The following ADGRB2 variants were observed in gnomAD, a reference collection of about 807,000 sequenced individuals.
ADGRB2 encodes brain-specific angiogenesis inhibitor 2.
In ADGRB2, 47 loss-of-function variants were observed where a neutral mutation model predicts 178.7. That is an observed-to-expected ratio of 0.26 (90% confidence interval 0.21 to 0.34). The LOEUF (loss-of-function observed/expected upper bound fraction) is 0.34, where lower values mean the gene tolerates loss of function less well. ADGRB2 is among the 10% of genes least tolerant of loss of function. The pLI, the probability that ADGRB2 is intolerant of heterozygous loss-of-function variation, is 1.00. For missense variants in ADGRB2, 1,584 were observed against 2,180.8 expected (o/e 0.73, Z 5.45); for synonymous variants, 870 against 912.4 (o/e 0.95, Z 0.84).
chr1:31,757,109 G>A, intron 3 of ADGRB2, 92 bp downstream of exon 3: 1 of 1,594,100 alleles, frequency 6.3e-7, no homozygotes, highest in East Asian at 2.2e-5. Flanking sequence ...TGAAGAAACA[G>A]TAGTTGTTGT....
rs1307565963 is a variant in ADGRB2 at position 31,728,373 on chromosome 1, C to T, written c.4417-93G>A. Reference sequence around the variant, plus strand: ...CTCAGCACCCCAAGCCCCCCACATCCCTCCCTGCTGCCAGCCCCTCTGGGA... The same window carrying T: ...CTCAGCACCCCAAGCCCCCCACATCTCTCCCTGCTGCCAGCCCCTCTGGGA... On this transcript the variant is annotated intron_variant, in intron 30 of 32. Transcript: ENST00000373658. The surrounding 1 kb of genome is among the most constrained non-coding windows in gnomAD (Gnocchi z 6.7). 3 of 1,398,806 alleles carry T rather than the reference C, an allele frequency of 2.1e-6. No individual in the cohort carries two copies. The highest frequency in any genetic ancestry group is 2.4e-5 in the South Asian group (2 of 84,214). 86.6% of individuals were successfully genotyped at this position (1,398,806 alleles called of 1,614,324 possible). A position where few individuals can be genotyped will look rare whatever the true frequency, so the allele number is the denominator to read the frequency against.
intron 29 of ADGRB2, 128 bp downstream of exon 29, chr1:31,730,672 C>T (rs1645233694): frequency 8.0e-7 from 1 of 1,248,588 alleles, no homozygotes; most frequent in South Asian, 2.8e-5. Context: ...CAGAGAAATG[C>T]TCAGTGTATC....
At position 31,733,497 on chromosome 1, in the gene ADGRB2, CG is replaced by C. The variant is rs1645405477; in HGVS notation, c.3453-355del. 6.6e-6 allele frequency among the ~76,000 whole-genome samples: 1 copy of C among 152,138 alleles called. No homozygotes were observed. Among genetic ancestry groups the C allele is most frequent in the South Asian group, 2.1e-4 (1 of 4,828 alleles). ...GGAGCTTTTTAAAAATGCACGGGGC[CG>C]GGACGGCATCCCCAGAGCCTAACTG... On this transcript the variant is annotated intron_variant, in intron 25 of 32. Transcript: ENST00000373658. This position sits in a 1 kb window ranked among gnomAD's most constrained non-coding sequence, Gnocchi z 4.3.
chr1:31,732,596 T>C lies in ADGRB2; in HGVS notation c.3641A>G (p.Lys1214Arg). The change falls in exon 27 of 33, where the codon AAG becomes AGG. Residue 1214 changes from lysine to arginine, a missense_variant. Transcript: ENST00000373658. The stretch of plus-strand genomic sequence containing the variant: ...AGCCCGGCACACCCCCATCTGGCAC[T>C]TCACCACATCCTGGACCTGGGGACA... ...FLRREVQDVV[K>R]CQMGVCRADE... The C allele has an allele frequency of 6.2e-7, 1 of 1,614,076 alleles. No individual in the cohort carries two copies. The highest frequency in any genetic ancestry group is 8.5e-7 in the Non-Finnish European group (1 of 1,180,012).
In ADGRB2 at chr1:31,733,196, G is replaced by T; in HGVS notation, c.3453-53C>A. 1 of 1,534,206 alleles carries T rather than the reference G, an allele frequency of 6.5e-7. No homozygotes were observed. Among genetic ancestry groups the T allele is most frequent in the Non-Finnish European group, 8.8e-7 (1 of 1,137,522 alleles). ...GAGTGACACTCCGGGGGACAGGATG[G>T]CTTGAGCCTAGGCCTCCACTCAGCT... On this transcript the variant is annotated intron_variant, in intron 25 of 32. Transcript: ENST00000373658. This position sits in a 1 kb window ranked among gnomAD's most constrained non-coding sequence, Gnocchi z 4.3.
rs1328202521 is a variant in ADGRB2, at chr1:31,728,293, G to A, written c.4417-13C>T. The A allele has an allele frequency of 6.2e-7, 1 of 1,612,162 alleles. No individual in the cohort carries two copies. The highest frequency in any genetic ancestry group is 8.5e-7 in the Non-Finnish European group (1 of 1,179,126). On this transcript the variant is annotated splice_polypyrimidine_tract_variant and intron_variant, in intron 30 of 32. Transcript: ENST00000373658. The surrounding 1 kb of genome is among the most constrained non-coding windows in gnomAD (Gnocchi z 6.7). ...TGTGCATCACCTTCTAGGGGCCACA[G>A]GGCATCAGAGGGTCGCTCCCCGGGG... is the stretch of plus-strand genomic sequence containing the variant.
chr1:31,757,443 C>G lies in ADGRB2; in HGVS notation c.-122G>C, dbSNP rs1339726702. On this transcript the variant is annotated 5_prime_UTR_variant, in exon 2 of 33. Coordinates refer to ENST00000373658, the MANE Select transcript of ADGRB2 (RefSeq NM_001364857.2). Reference sequence around the variant, plus strand: ...CAGCCAGTGTGCCAGGAACTGCGCACAACCTGAGCCATGCCCACAGGAGGG... The same window carrying G: ...CAGCCAGTGTGCCAGGAACTGCGCAGAACCTGAGCCATGCCCACAGGAGGG... The G allele has an allele frequency of 3.1e-5, 19 of 606,898 alleles. No individual in the cohort carries two copies. Among genetic ancestry groups the G allele is most frequent in the Non-Finnish European group, 5.6e-5 (19 of 340,470 alleles). 37.6% of individuals were successfully genotyped at this position (606,898 alleles called of 1,614,324 possible).
chr1:31,727,507 G>T lies in ADGRB2; in HGVS notation c.4671C>A (p.Pro1557=), dbSNP rs2148863011. The T allele has an allele frequency of 4.4e-6, 7 of 1,596,090 alleles. No homozygotes were observed. Among genetic ancestry groups the T allele is most frequent in the Non-Finnish European group, 6.0e-6 (7 of 1,175,016 alleles). Residue 1557 remains proline (P), a synonymous_variant, in exon 33 of 33, where the codon CCC becomes CCA. Coordinates refer to ENST00000373658, the MANE Select transcript of ADGRB2 (RefSeq NM_001364857.2). This position sits in a 1 kb window ranked among gnomAD's most constrained non-coding sequence, Gnocchi z 4.4. ...GCAGAGTCAGCCGTTCTCGGGGCTT[G>T]GGGGGCAGCGAGCCCAGTGTCATAG... ...FKSMTLGSLP[P]KPRERLTLHR... is the part of the protein sequence containing the mutation.
At position 31,753,589 on chromosome 1, in the gene ADGRB2, C is replaced by T. The variant is rs1012525234; in HGVS notation, c.838+2410G>A. 6.6e-6 allele frequency among the ~76,000 whole-genome samples: 1 copy of T among 152,192 alleles called. No individual in the cohort carries two copies. Among genetic ancestry groups the T allele is most frequent in the Admixed American group, 6.5e-5 (1 of 15,282 alleles). ...GGGTCTCACCCTTCCTGCTCACTAC[C>T]ATCCCCACGAATCTTGCTCTCAGTC... On this transcript the variant is annotated intron_variant, in intron 4 of 32. Coordinates refer to ENST00000373658, the MANE Select transcript of ADGRB2 (RefSeq NM_001364857.2). The surrounding 1 kb of genome is among the most constrained non-coding windows in gnomAD (Gnocchi z 4.1).
At chr1:31,760,284 C>A (rs1167347876) in intron 1 of ADGRB2, among the ~76,000 whole-genome samples, 1 of 152,088 alleles carries the variant, frequency 6.6e-6, no homozygotes, top group Non-Finnish European at 1.5e-5. Flanking sequence ...GAAGTAGTCT[C>A]CCTCTCACTT....
In ADGRB2 at chr1:31,740,207, G is replaced by C. The variant is rs745512810; in HGVS notation, c.1990-29C>G. 1 of 1,613,510 alleles carries C rather than the reference G, an allele frequency of 6.2e-7. No individual in the cohort carries two copies. The highest frequency in any genetic ancestry group is 1.1e-5 in the South Asian group (1 of 91,072). Reference sequence around the variant, plus strand: ...AGGAGAGAGCAATGAGTGGCAGGGGGTCCTAGCCCCAGGGAACAGGGGGCT... The same window carrying C: ...AGGAGAGAGCAATGAGTGGCAGGGGCTCCTAGCCCCAGGGAACAGGGGGCT... On this transcript the variant is annotated intron_variant, in intron 12 of 32. Coordinates refer to ENST00000373658, the MANE Select transcript of ADGRB2 (RefSeq NM_001364857.2). The surrounding 1 kb of genome is among the most constrained non-coding windows in gnomAD (Gnocchi z 5.9).
rs1253872569 is a variant in ADGRB2 at position 31,727,641 on chromosome 1, C to T, written c.4573-36G>A. 1.0e-5 allele frequency: 15 copies of T among 1,461,542 alleles called. No individual in the cohort carries two copies. The highest frequency in any genetic ancestry group is 1.4e-5 in the African/African-American group (1 of 69,832). 90.5% of individuals were successfully genotyped at this position (1,461,542 alleles called of 1,614,324 possible). A position where few individuals can be genotyped will look rare whatever the true frequency, so the allele number is the denominator to read the frequency against. Reference sequence around the variant, plus strand: ...AGCGGGAGGGGCCGTGGAGATGGGCCAATATCCTTACCCATTGTACAGACG... The same window carrying T: ...AGCGGGAGGGGCCGTGGAGATGGGCTAATATCCTTACCCATTGTACAGACG... On this transcript the variant is annotated intron_variant, in intron 32 of 32. Transcript: ENST00000373658. This position sits in a 1 kb window ranked among gnomAD's most constrained non-coding sequence, Gnocchi z 4.4.
At position 31,728,631 on chromosome 1, in the gene ADGRB2, T is replaced by G; in HGVS notation, c.4383A>C (p.Arg1461=). Residue 1461 remains arginine, a splice_region_variant and synonymous_variant, in exon 30 of 33, where the codon CGA becomes CGC. Transcript: ENST00000373658. The surrounding 1 kb of genome is among the most constrained non-coding windows in gnomAD (Gnocchi z 6.7). ...CCAGGTCTGAATACCGTAATTTCTT[T>G]CGCTGGGAAGGAGCAACAAGGAGGC... is the stretch of plus-strand genomic sequence containing the variant. The part of the protein sequence containing the change: ...GSTMKMGSLE[R]KKLRYSDLDF... 6.2e-7 allele frequency: 1 copy of G among 1,614,070 alleles called. No individual in the cohort carries two copies. Among genetic ancestry groups the G allele is most frequent in the Non-Finnish European group, 8.5e-7 (1 of 1,179,998 alleles).
rs369316774 is a variant in ADGRB2 at position 31,728,546 on chromosome 1, G to A, written c.4416+52C>T. On this transcript the variant is annotated intron_variant, in intron 30 of 32. Coordinates refer to ENST00000373658, the MANE Select transcript of ADGRB2 (RefSeq NM_001364857.2). This position sits in a 1 kb window ranked among gnomAD's most constrained non-coding sequence, Gnocchi z 6.7. ...TACTTTTAGGAGTGAGCCCTCCAGG[G>A]ACAGACACCACAGCCAGATGTCCCA... The A allele has an allele frequency of 9.9e-6, 16 of 1,612,134 alleles. No homozygotes were observed. Among genetic ancestry groups the A allele is most frequent in the Non-Finnish European group, 1.4e-5 (16 of 1,178,302 alleles).
Position 31,735,823 on chromosome 1 carries a change from A to C in ADGRB2, c.3267+4T>G. 1 of 1,609,890 alleles carries C rather than the reference A, an allele frequency of 6.2e-7. No homozygotes were observed. The highest frequency in any genetic ancestry group is 8.5e-7 in the Non-Finnish European group (1 of 1,177,820). The stretch of plus-strand genomic sequence containing the variant: ...CCCTTCCAAGATGCTGAACGGGCAC[A>C]TACCAGGACAATGACGGCTGCAGGG... On this transcript the variant is annotated splice_donor_region_variant and intron_variant, in intron 23 of 32. Coordinates refer to ENST00000373658, the MANE Select transcript of ADGRB2 (RefSeq NM_001364857.2). This position sits in a 1 kb window ranked among gnomAD's most constrained non-coding sequence, Gnocchi z 6.0.
chr1:31,734,791 A>G (rs1181082106), intron 25 of ADGRB2, among the ~76,000 whole-genome samples: 1 of 152,170 alleles, frequency 6.6e-6, no homozygotes, highest in Non-Finnish European at 1.5e-5. Context: ...TCATTCTAAC[A>G]TTCTTAGCTT....
chr1:31,736,895 G>C (rs948772936), intron 20 of ADGRB2, among the ~76,000 whole-genome samples, 172 bp from the exon 21 acceptor site: 1 of 152,184 alleles, frequency 6.6e-6, no homozygotes, highest in Non-Finnish European at 1.5e-5. Context: ...AGCACGACAC[G>C]GGCCTGGTGA....
In ADGRB2 at chr1:31,742,082, G is replaced by A; in HGVS notation, c.1388C>T (p.Thr463Ile). ...WATCTGALTD[T>I]RECSNLECPA... Reference sequence around the variant, plus strand: ...GCACTCGAGGTTGCTGCACTCCCGGGTGTCAGTGAGGGCACCCGTGCATGT... The same window carrying A: ...GCACTCGAGGTTGCTGCACTCCCGGATGTCAGTGAGGGCACCCGTGCATGT... The change falls in exon 8 of 33, where the codon ACC becomes ATC. Residue 463 changes from threonine (T) to isoleucine (I), a missense_variant. Physicochemically the swap from Thr to Ile is moderately conservative, Grantham distance 89. Transcript: ENST00000373658. 2 of 1,612,386 alleles carry A rather than the reference G, an allele frequency of 1.2e-6. No individual in the cohort carries two copies. Among genetic ancestry groups the A allele is most frequent in the South Asian group, 1.1e-5 (1 of 90,852 alleles).
At chr1:31,760,525 G>A (rs1324659566) in intron 1 of ADGRB2, among the ~76,000 whole-genome samples, 2 of 152,140 alleles carry the variant, frequency 1.3e-5, no homozygotes, top group African/African-American at 4.8e-5. Context: ...CAGCGGGAGA[G>A]GGGTGTCTCA....
Sources: allele counts gnomAD v4.1 joint callset (sites outside exome capture counted in the v4.1 genomes callset), GRCh38; gene constraint gnomAD v4.1.1; non-coding constraint Gnocchi (gnomAD v3.1); transcripts MANE v1.5; gene names NCBI Gene and HGNC (gene_info 2026-07-23, HGNC 2026-07-21).